XKR4: variants seen among roughly 807,000 people sequenced by gnomAD.
XKR4 encodes XK-related protein 4.
In XKR4, 12 loss-of-function variants were observed where a neutral mutation model predicts 53.9. That is an observed-to-expected ratio of 0.22 (90% CI 0.14 to 0.36). The LOEUF is 0.36. XKR4 is among the 10% of genes least tolerant of loss of function. The pLI is 1.00. For synonymous variants in XKR4, 354 were observed against 362.4 expected (o/e 0.98, Z 0.26); for missense variants, 799 against 859.5 (o/e 0.93, Z 0.88).
At chr8:55,216,154 A>G (rs1484683858) in intron 1 of XKR4, among the ~76,000 whole-genome samples, 1 of 152,284 alleles carries the variant, frequency 6.6e-6, no homozygotes, top group Non-Finnish European at 1.5e-5. Context: ...AAAATTAAAA[A>G]TCATGCATTA....
chr8:55,447,304 G>A (rs1249449584), intron 2 of XKR4, among the ~76,000 whole-genome samples: 1 of 152,186 alleles, frequency 6.6e-6, no homozygotes, highest in African/African-American at 2.4e-5. Context: ...TAGATAGAAA[G>A]TGAGAGCCAA....
intron 2 of XKR4, among the ~76,000 whole-genome samples, chr8:55,402,178 C>G (rs1804610972): frequency 6.6e-6 from 1 of 152,134 alleles, no homozygotes; most frequent in South Asian, 2.1e-4. Context: ...TTCAAAGACC[C>G]TTGGGAAAGG....
At chr8:55,313,340 C>A (rs1819413715) in intron 1 of XKR4, among the ~76,000 whole-genome samples, 1 of 152,186 alleles carries the variant, frequency 6.6e-6, no homozygotes. Context: ...TCTGAGGATG[C>A]TATTAGAGTA....
chr8:55,370,274 G>T (rs4738099), intron 2 of XKR4, among the ~76,000 whole-genome samples: 56,418 of 151,978 alleles, frequency 0.37, 12,547 homozygotes, highest in Admixed American at 0.51. Context: ...GGAAGTCAGT[G>T]AGGTCAATAA....
At chr8:55,292,011 G>A (rs1465726584) in intron 1 of XKR4, among the ~76,000 whole-genome samples, 1 of 152,026 alleles carries the variant, frequency 6.6e-6, no homozygotes, top group African/African-American at 2.4e-5. Context: ...AAACAAACTT[G>A]CATCTCTGAC....
At chr8:55,309,775 G>T (rs1013972546) in intron 1 of XKR4, among the ~76,000 whole-genome samples, 6 of 152,188 alleles carry the variant, frequency 3.9e-5, no homozygotes, top group Non-Finnish European at 7.3e-5. Context: ...AAAGAATATT[G>T]TAGGAAATTG....
chr8:55,161,579 G>C (rs1339947206), intron 1 of XKR4: 1 of 456,206 alleles, frequency 2.2e-6, no homozygotes, highest in Non-Finnish European at 4.4e-6. Context: ...TCCTAGACAA[G>C]TTGTCTGCAT....
rs1289226894 is a variant in XKR4 at position 55,541,892 on chromosome 8, G to A, written c.*17665G>A. ...CCTAGTTTGAAGCACAGTGTGTGGA[G>A]TATTTGATGTACTACAGTACCATAG... On this transcript the variant is annotated 3_prime_UTR_variant, in exon 3 of 3. Coordinates refer to ENST00000327381, the MANE Select transcript of XKR4 (RefSeq NM_052898.2). The A allele has an allele frequency of 2.0e-5, 3 of 152,224 alleles. No individual in the cohort carries two copies. The highest frequency in any genetic ancestry group is 2.0e-4 in the Admixed American group (3 of 15,278). The allele number at this position is 152,224 out of a possible 1,614,324, so 9.4% of individuals were successfully genotyped here. A position where few individuals can be genotyped will look rare whatever the true frequency, so the allele number is the denominator to read the frequency against.
chr8:55,169,020 C>A (rs138026481), intron 1 of XKR4, among the ~76,000 whole-genome samples: 30 of 152,252 alleles, frequency 2.0e-4, no homozygotes, highest in Admixed American at 1.0e-3. Flanking sequence ...TGTTTCAAAT[C>A]ATGTTCTTTT....
chr8:55,308,262 A>C lies in XKR4; in HGVS notation c.807-49416A>C, dbSNP rs144128648. Among the ~76,000 whole-genome samples, 12 of 152,310 alleles carry C rather than the reference A, an allele frequency of 7.9e-5. No homozygotes were observed. The East Asian group carries it at 2.3e-3, about 29-fold the overall frequency. On this transcript the variant is annotated intron_variant, in intron 1 of 2. Coordinates refer to ENST00000327381, the MANE Select transcript of XKR4 (RefSeq NM_052898.2). ...AGCAAGACTCCATCTCAAAAAACAA[A>C]AATGAAAATAAATAAATAAAGATAC... is the stretch of plus-strand genomic sequence containing the variant.
chr8:55,343,875 CA>C (rs1379331945), intron 1 of XKR4, among the ~76,000 whole-genome samples: 1 of 152,128 alleles, frequency 6.6e-6, no homozygotes, highest in East Asian at 1.9e-4. Flanking sequence ...TATAATGAGA[CA>C]ATAATGTGCA....
At chr8:55,311,353 G>T (rs1203928046) in intron 1 of XKR4, among the ~76,000 whole-genome samples, 1 of 152,150 alleles carries the variant, frequency 6.6e-6, no homozygotes, top group East Asian at 1.9e-4. Context: ...GGGCTCAGAG[G>T]GCCCCCAGGA....
intron 2 of XKR4, among the ~76,000 whole-genome samples, chr8:55,446,141 A>G (rs1333451643): frequency 6.7e-6 from 1 of 148,440 alleles, no homozygotes; most frequent in East Asian, 1.9e-4. Context: ...CTGAAACTAT[A>G]GCGTTATTCC....
At chr8:55,312,958 G>A (rs546730765) in intron 1 of XKR4, among the ~76,000 whole-genome samples, 1 of 152,256 alleles carries the variant, frequency 6.6e-6, no homozygotes, top group Non-Finnish European at 1.5e-5. Context: ...CTTTAAACAA[G>A]ACAAAACATT....
rs145687950 is a variant in XKR4, at chr8:55,484,986, C to T, written c.1007-38295C>T. ...TGTATGAGCTGATTCCTTATCATTT[C>T]TGTTTCTCTGGAGAATCCTCTCTAA... On this transcript the variant is annotated intron_variant, in intron 2 of 2. Coordinates refer to ENST00000327381, the MANE Select transcript of XKR4 (RefSeq NM_052898.2). 6.8e-4 allele frequency among the ~76,000 whole-genome samples: 103 copies of T among 152,340 alleles called. 1 individual carries two copies. Among genetic ancestry groups the T allele is most frequent in the African/African-American group, 2.4e-3 (99 of 41,582 alleles).
chr8:55,446,421 AAC>A (rs1805347432), intron 2 of XKR4, among the ~76,000 whole-genome samples: 1 of 152,090 alleles, frequency 6.6e-6, no homozygotes, highest in African/African-American at 2.4e-5. Flanking sequence ...AGCTCACTGC[AAC>A]CTCCATCTCC....
In XKR4 at chr8:55,250,485, A is replaced by G. The variant is rs549726694; in HGVS notation, c.807-107193A>G. ...GATGTCTAATTTAGGGCTTCATAAGAGGCTTTTCTCTAAGGGAGCTGGCTG... is the reference window on the plus strand; with the variant it reads ...GATGTCTAATTTAGGGCTTCATAAGGGGCTTTTCTCTAAGGGAGCTGGCTG... On this transcript the variant is annotated intron_variant, in intron 1 of 2. Transcript: ENST00000327381. Among the ~76,000 whole-genome samples the G allele has an allele frequency of 1.6e-4, 25 of 152,272 alleles. No homozygotes were observed. In the South Asian group the frequency reaches 5.2e-3, roughly 32 times the overall value.
intron 2 of XKR4, among the ~76,000 whole-genome samples, chr8:55,491,223 C>G (rs1482485874): frequency 6.6e-6 from 1 of 152,078 alleles, no homozygotes; most frequent in Non-Finnish European, 1.5e-5. Context: ...ATGTTTTCTT[C>G]TACATTCATG....
intron 2 of XKR4, among the ~76,000 whole-genome samples, chr8:55,513,647 T>G (rs1456853780): frequency 1.3e-5 from 2 of 152,242 alleles, no homozygotes; most frequent in East Asian, 3.8e-4. Flanking sequence ...ATACTCCACC[T>G]TGTGTATAGG....
Sources: gnomAD v4.1 joint callset for allele counts (sites outside exome capture counted in the v4.1 genomes callset) on GRCh38, gnomAD v4.1.1 for gene constraint, MANE v1.5 for transcripts, NCBI Gene and HGNC (gene_info 2026-07-23, HGNC 2026-07-21) for gene names.